The following RGS6 variants were observed in gnomAD, a reference collection of about 807,000 sequenced individuals.
The protein encoded by RGS6 is regulator of G protein signaling 6.
A neutral mutation model predicts 78.5 loss-of-function variants in RGS6; 30 were observed. The ratio of observed to expected loss-of-function variants is 0.38; its 90% CI spans 0.29 to 0.52. The LOEUF (loss-of-function observed/expected upper bound fraction) is 0.52. RGS6 is among the 20% of genes least tolerant of loss of function. RGS6 has a pLI of 0.85. For missense variants in RGS6, 495 were observed against 609.7 expected (o/e 0.81, Z 1.98); for synonymous variants, 206 against 206.0 (o/e 1.00, Z 0.00).
chr14:71,998,900 G>A (rs2082871952), intron 2 of RGS6, among the ~76,000 whole-genome samples: 1 of 152,190 alleles, frequency 6.6e-6, no homozygotes, highest in Non-Finnish European at 1.5e-5. Context: ...AGACCATACA[G>A]AAATGAGTGA....
At chr14:72,004,542 G>A (rs141682947) in intron 2 of RGS6, among the ~76,000 whole-genome samples, 2,281 of 152,284 alleles carry the variant, frequency 0.015, 48 homozygotes, top group African/African-American at 0.05. Context: ...AGTGGCAGAA[G>A]ACACTCTCAA....
chr14:72,567,241 A>C (rs1432459750), downstream of RGS6, among the ~76,000 whole-genome samples: 1 of 152,194 alleles, frequency 6.6e-6, no homozygotes, highest in Non-Finnish European at 1.5e-5. Flanking sequence ...CCCCTTGTGC[A>C]GGATTTTCTG....
chr14:72,410,129 G>A (rs953203004), intron 3 of RGS6, among the ~76,000 whole-genome samples: 83 of 152,284 alleles, frequency 5.5e-4, no homozygotes, highest in African/African-American at 1.9e-3. Context: ...CATCCCTGAG[G>A]AATCGCCACA....
chr14:71,936,015 G>GATATATATATATATATAT (rs55686505), intron 1 of RGS6, among the ~76,000 whole-genome samples: 2,080 of 63,264 alleles, frequency 0.033, 94 homozygotes, highest in Non-Finnish European at 0.039. Flanking sequence ...GAACTAATAG[G>GATATATATATATATATAT]ATATATATAT....
At chr14:71,895,311 G>A in the RGS6 span, among the ~76,000 whole-genome samples, 1 of 151,700 alleles carries the variant, frequency 6.6e-6, no homozygotes, top group African/African-American at 2.4e-5. Flanking sequence ...AGCCTCCTGG[G>A]TAGCTGGGAT....
intron 3 of RGS6, among the ~76,000 whole-genome samples, chr14:72,400,344 C>T (rs2092228434): frequency 6.6e-6 from 1 of 152,194 alleles, no homozygotes; most frequent in Admixed American, 6.5e-5. Flanking sequence ...TAATGGTTCA[C>T]TTTTATATAG....
intron 2 of RGS6, chr14:71,990,882 C>T (rs2094928756): frequency 4.4e-6 from 2 of 455,700 alleles, no homozygotes; most frequent in African/African-American, 4.0e-5. Context: ...TGTTCTCCTT[C>T]TGAGCTTCAG....
intron 2 of RGS6, among the ~76,000 whole-genome samples, chr14:72,260,658 G>C (rs1014733385): frequency 1.3e-5 from 2 of 152,184 alleles, no homozygotes; most frequent in African/African-American, 4.8e-5. Context: ...AGAGATAGGG[G>C]TTATGGCAAC....
the RGS6 span, among the ~76,000 whole-genome samples, chr14:72,591,832 G>C: frequency 1.3e-5 from 2 of 152,188 alleles, no homozygotes; most frequent in Non-Finnish European, 2.9e-5. Context: ...TGAAGGGTTG[G>C]GTATCCTGTC....
At chr14:72,006,107 G>A (rs2084502908) in intron 2 of RGS6, among the ~76,000 whole-genome samples, 1 of 152,062 alleles carries the variant, frequency 6.6e-6, no homozygotes, top group African/African-American at 2.4e-5. Flanking sequence ...CTTCCTATAG[G>A]CAGGAGCTCT....
chr14:72,374,310 A>G (rs936350954), intron 3 of RGS6, among the ~76,000 whole-genome samples: 8 of 150,664 alleles, frequency 5.3e-5, no homozygotes, highest in East Asian at 3.9e-4. Flanking sequence ...TCATTGTTCA[A>G]TTCCTACCTA....
At chr14:72,237,287 A>G (rs2051359122) in intron 2 of RGS6, among the ~76,000 whole-genome samples, 1 of 152,188 alleles carries the variant, frequency 6.6e-6, no homozygotes, top group Non-Finnish European at 1.5e-5. Flanking sequence ...GTTTGCAGCT[A>G]TTATGAAGAA....
chr14:72,569,111 GGTGT>G (rs35508602), downstream of RGS6, among the ~76,000 whole-genome samples: 4,591 of 137,522 alleles, frequency 0.033, 218 homozygotes, highest in African/African-American at 0.1. Flanking sequence ...GATTCTCTGG[GGTGT>G]GTGTGTGTGT....
At chr14:72,478,451 G>A in intron 12 of RGS6, 122 bp downstream of exon 12, 2 of 720,030 alleles carry the variant, frequency 2.8e-6, no homozygotes, top group South Asian at 1.8e-5. Context: ...TCCTTAGACT[G>A]GGGTGCAGAA....
intron 2 of RGS6, among the ~76,000 whole-genome samples, chr14:72,311,466 G>A (rs1291573329): frequency 4.6e-5 from 7 of 152,044 alleles, no homozygotes; most frequent in East Asian, 3.9e-4. Context: ...TCCTACGGCT[G>A]AAGGTTAAGT....
At chr14:71,981,113 C>T (rs1029900491) in intron 2 of RGS6, among the ~76,000 whole-genome samples, 6 of 149,254 alleles carry the variant, frequency 4.0e-5, no homozygotes, top group African/African-American at 1.5e-4. Flanking sequence ...TCAGCTCCAT[C>T]AGCTCCTTTA....
chr14:72,393,662 G>A (rs1185222177), intron 3 of RGS6, among the ~76,000 whole-genome samples: 1 of 152,176 alleles, frequency 6.6e-6, no homozygotes, highest in Non-Finnish European at 1.5e-5. Context: ...ACTCTACTGT[G>A]TTCCAAGAAT....
intron 3 of RGS6, among the ~76,000 whole-genome samples, chr14:72,362,180 A>G (rs1401023617): frequency 6.6e-6 from 1 of 152,202 alleles, no homozygotes; most frequent in Non-Finnish European, 1.5e-5. Flanking sequence ...CTGCTCTTAA[A>G]AAGCTATTAA....
At chr14:72,541,691 G>A (rs2097329885) in intron 17 of RGS6, 4 of 1,484,286 alleles carry the variant, frequency 2.7e-6, no homozygotes, top group Non-Finnish European at 3.6e-6. Flanking sequence ...AGGATGGTTA[G>A]GGATTTTGCT....
Sources: allele counts gnomAD v4.1 joint callset (sites outside exome capture counted in the v4.1 genomes callset), GRCh38; gene constraint gnomAD v4.1.1; transcripts MANE v1.5; gene names NCBI Gene and HGNC (gene_info 2026-07-23, HGNC 2026-07-21).